SUCO: variants seen among roughly 807,000 people sequenced by gnomAD.
SUCO encodes the protein SUN domain-containing ossification factor.
In SUCO, 57 loss-of-function variants were observed where a neutral mutation model predicts 148.1. The ratio of observed to expected loss-of-function variants is 0.38; its 90% CI spans 0.31 to 0.48. SUCO has a LOEUF of 0.48. Among genes scored for constraint, SUCO ranks in the 20% least tolerant of loss-of-function variants. SUCO has a pLI of 0.96. For synonymous variants in SUCO, 470 were observed against 502.7 expected, an observed-to-expected ratio of 0.93 and a Z score of 0.87; for missense variants, 1,331 against 1,468.2, an observed-to-expected ratio of 0.91 and a Z score of 1.53.
At chr1:172,583,431 G>A (rs1656020178) in intron 15 of SUCO, among the ~76,000 whole-genome samples, 3 of 152,104 alleles carry the variant, frequency 2.0e-5, no homozygotes, top group Admixed American at 2.0e-4. Flanking sequence ...ATTTCGTGAA[G>A]ATCAACATTA....
intron 19 of SUCO, among the ~76,000 whole-genome samples, chr1:172,597,262 T>C (rs1256723109): frequency 6.6e-6 from 1 of 152,256 alleles, no homozygotes; most frequent in Admixed American, 6.5e-5. Flanking sequence ...CGCCCTGCTT[T>C]GGCTCACACT....
At chr1:172,596,572 G>T (rs1317256780) in intron 19 of SUCO, among the ~76,000 whole-genome samples, 2 of 152,204 alleles carry the variant, frequency 1.3e-5, no homozygotes, top group African/African-American at 4.8e-5. Flanking sequence ...GTTTGCCTGG[G>T]TATCACCAGT....
At chr1:172,534,038 G>T (rs1187916052) in intron 1 of SUCO, among the ~76,000 whole-genome samples, 1 of 152,166 alleles carries the variant, frequency 6.6e-6, no homozygotes, top group Non-Finnish European at 1.5e-5. Context: ...GAAACTTGGG[G>T]GGCGTGTGTG....
At chr1:172,571,418 C>T (rs1216555736) in intron 9 of SUCO, among the ~76,000 whole-genome samples, 5 of 152,072 alleles carry the variant, frequency 3.3e-5, no homozygotes, top group Admixed American at 1.3e-4. Context: ...ACAACCTCCA[C>T]CTCCCAGCCG....
chr1:172,589,257 T>G lies in SUCO; in HGVS notation c.2156T>G (p.Val719Gly). The G allele has an allele frequency of 6.2e-6, 10 of 1,613,900 alleles. No homozygotes were observed. Among genetic ancestry groups the G allele is most frequent in the Non-Finnish European group, 8.5e-6 (10 of 1,179,894 alleles). Residue 719 changes from valine (V) to glycine (G), a missense_variant, in exon 18 of 24, where the codon GTT becomes GGT. By Grantham distance (109) the Val-to-Gly change is moderately radical (BLOSUM62 -3). Transcript: ENST00000263688. The stretch of plus-strand genomic sequence containing the variant: ...TTGGTGAATCACACTGTAGATGCAG[T>G]TGAACTTGAACCAAGCCATTCTCAA... ...DDLVNHTVDA[V>G]ELEPSHSQTL... is the part of the protein sequence containing the mutation.
intron 1 of SUCO, among the ~76,000 whole-genome samples, chr1:172,536,037 A>G (rs572117266): frequency 6.6e-6 from 1 of 152,344 alleles, no homozygotes; most frequent in South Asian, 2.1e-4. Context: ...GCACAGAGCA[A>G]TGATAGCTAA....
chr1:172,544,205 T>C (rs1294632252), intron 1 of SUCO: 4 of 859,468 alleles, frequency 4.7e-6, no homozygotes, highest in South Asian at 5.3e-5. Flanking sequence ...TTTGAATTTA[T>C]GTTTAAGAAG....
chr1:172,602,184 C>T lies in SUCO; in HGVS notation c.3139C>T (p.Leu1047Phe). The T allele has an allele frequency of 6.2e-7, 1 of 1,613,184 alleles. No individual in the cohort carries two copies. Residue 1047 changes from leucine to phenylalanine, a missense_variant, in exon 21 of 24, where the codon CTT (leucine) becomes TTT (phenylalanine). This residue lies in a region of SUCO where 334 missense variants were observed against 352.3 expected (regional missense o/e 0.95). Transcript: ENST00000263688. The part of the protein sequence containing the change: ...SQFDGDYISK[L>F]PKSNQYPSPK... Reference sequence around the variant, plus strand: ...ATTTGATGGAGATTATATTTCAAAACTTCCTAAAAGTAATCAGTATCCAAG... The same window carrying T: ...ATTTGATGGAGATTATATTTCAAAATTTCCTAAAAGTAATCAGTATCCAAG...
intron 17 of SUCO, among the ~76,000 whole-genome samples, chr1:172,586,653 CAAGTCCTTTATCTTAG>C (rs1369682629): frequency 6.6e-6 from 1 of 152,046 alleles, no homozygotes; most frequent in African/African-American, 2.4e-5. Flanking sequence ...CAAAACTTTG[CAAGTCCTTTATCTTAG>C]AACAACTCTA....
intron 6 of SUCO, among the ~76,000 whole-genome samples, chr1:172,567,941 G>T (rs535915952): frequency 1.3e-5 from 2 of 152,280 alleles, no homozygotes; most frequent in Middle Eastern, 6.8e-3. Flanking sequence ...GGAACCAGGC[G>T]CACGACAGGT....
At chr1:172,551,419 C>A in intron 1 of SUCO, 93 bp from the exon 2 acceptor site, 1 of 680,350 alleles carries the variant, frequency 1.5e-6, no homozygotes, top group Non-Finnish European at 2.4e-6. Context: ...GCCTCAAATT[C>A]TAGCCCATAT....
chr1:172,593,048 A>G (rs1426487598), intron 19 of SUCO, among the ~76,000 whole-genome samples: 1 of 150,446 alleles, frequency 6.6e-6, no homozygotes, highest in Non-Finnish European at 1.5e-5. Flanking sequence ...TGTGAATGAG[A>G]GTTCACTCAT....
At chr1:172,542,245 G>A (rs1352653798) in intron 1 of SUCO, among the ~76,000 whole-genome samples, 1 of 152,162 alleles carries the variant, frequency 6.6e-6, no homozygotes, top group Non-Finnish European at 1.5e-5. Flanking sequence ...AGCCGGGCAT[G>A]GTAGCGCATG....
rs999633802 is a variant in SUCO at position 172,589,372 on chromosome 1, A to G, written c.2271A>G (p.Ala757=). Residue 757 remains alanine (A), a synonymous_variant, in exon 18 of 24, where the codon GCA becomes GCG. Coordinates refer to ENST00000263688, the MANE Select transcript of SUCO (RefSeq NM_014283.5). ...TATCTGAGTCTGTTGAATATGAGGCAGGACATATACCATCACCAGTGATTC... is the reference window on the plus strand; with the variant it reads ...TATCTGAGTCTGTTGAATATGAGGCGGGACATATACCATCACCAGTGATTC... ...IEVSESVEYE[A]GHIPSPVIPQ... is the part of the protein sequence containing the mutation. 1.9e-6 allele frequency: 3 copies of G among 1,613,692 alleles called. No individual in the cohort carries two copies. In the African/African-American group the frequency reaches 4.0e-5, roughly 22 times the overall value.
At chr1:172,555,464 G>A (rs1192391550) in intron 3 of SUCO, 15 of 950,370 alleles carry the variant, frequency 1.6e-5, no homozygotes, top group African/African-American at 5.3e-5. Flanking sequence ...ATCTTATATC[G>A]TTGCTTATTG....
Position 172,559,649 on chromosome 1 carries a change from A to G in SUCO, c.732+1855A>G, listed in dbSNP as rs571212164. Among the ~76,000 whole-genome samples the G allele has an allele frequency of 1.3e-3, 198 of 152,340 alleles. 1 individual carries two copies. Among genetic ancestry groups the G allele is most frequent in the African/African-American group, 4.6e-3 (191 of 41,572 alleles). On this transcript the variant is annotated intron_variant, in intron 6 of 23. Transcript: ENST00000263688. ...AGCAGTTCTGCAGTCATGCTTATAT[A>G]CAATTTTAATTATATGCAAATTAAA...
chr1:172,577,604 G>C (rs532245748), intron 12 of SUCO, 45 bp downstream of exon 12: 1 of 1,600,708 alleles, frequency 6.2e-7, no homozygotes, highest in South Asian at 1.1e-5. Context: ...AGGGCATGGC[G>C]TATTAATGCA....
chr1:172,551,197 G>A (rs1030504239), intron 1 of SUCO, among the ~76,000 whole-genome samples: 6 of 152,004 alleles, frequency 3.9e-5, no homozygotes, highest in African/African-American at 1.2e-4. Flanking sequence ...GGTACTTTCC[G>A]AGGAGGTTAG....
In SUCO at chr1:172,542,928, G is replaced by C. The variant is rs1652590969; in HGVS notation, c.63-8584G>C. 4.1e-6 allele frequency: 4 copies of C among 985,242 alleles called. No individual in the cohort carries two copies. The Admixed American group carries it at 1.8e-4, about 45-fold the overall frequency. The allele number at this position is 985,242 out of a possible 1,614,324, so 61.0% of individuals were successfully genotyped here. ...GAAAACTGAGAAACTTTTCAAAAGA[G>C]GGAAGTGATTGATAGCTTTTGGGAG... On this transcript the variant is annotated intron_variant, in intron 1 of 23. Transcript: ENST00000263688.
Sources: gnomAD v4.1 joint callset for allele counts (sites outside exome capture counted in the v4.1 genomes callset) on GRCh38, gnomAD v4.1.1 for gene constraint, gnomAD v4.1.1 regional missense constraint, MANE v1.5 for transcripts, NCBI Gene and HGNC (gene_info 2026-07-23, HGNC 2026-07-21) for gene names.